CDH12: variants seen among roughly 807,000 people sequenced by gnomAD.
CDH12 encodes the protein cadherin-12.
A neutral mutation model predicts 74.1 loss-of-function variants in CDH12; 41 were observed. The observed-to-expected ratio is 0.55, with a 90% CI of 0.43 to 0.72. The LOEUF (loss-of-function observed/expected upper bound fraction) is 0.72. CDH12 is among the 30% of genes least tolerant of loss of function. The probability of loss-of-function intolerance (pLI) is 0.00; values close to 1 mark genes in which losing one functional copy is unlikely to be tolerated. For synonymous variants in CDH12, 399 were observed against 355.0 expected (o/e 1.12, Z -1.39); for missense variants, 945 against 977.2 (o/e 0.97, Z 0.44).
chr5:22,733,500 AC>A (rs1228586516), intron 1 of CDH12, among the ~76,000 whole-genome samples: 1 of 150,492 alleles, frequency 6.6e-6, no homozygotes, highest in African/African-American at 2.4e-5. Context: ...CATTTCTCCC[AC>A]CAAGTTTTCT....
chr5:22,129,422 T>C (rs1429737013), intron 4 of CDH12, among the ~76,000 whole-genome samples: 1 of 152,144 alleles, frequency 6.6e-6, no homozygotes, highest in Non-Finnish European at 1.5e-5. Flanking sequence ...ATGCTTAATA[T>C]TGTCATAATT....
intron 4 of CDH12, among the ~76,000 whole-genome samples, chr5:22,140,065 G>A (rs1315075340): frequency 6.6e-6 from 1 of 152,056 alleles, no homozygotes; most frequent in Non-Finnish European, 1.5e-5. Flanking sequence ...TCACCCCTTT[G>A]CATAGCTAAT....
chr5:22,663,606 C>T (rs2126901418), intron 1 of CDH12, among the ~76,000 whole-genome samples: 1 of 152,188 alleles, frequency 6.6e-6, no homozygotes. Flanking sequence ...GACTTCAGTG[C>T]CTCATGTGAG....
chr5:22,286,388 A>T (rs1460931667), intron 3 of CDH12, among the ~76,000 whole-genome samples: 2 of 152,212 alleles, frequency 1.3e-5, no homozygotes, highest in Non-Finnish European at 2.9e-5. Flanking sequence ...CCTAAAGTAG[A>T]TGGGCCATCC....
intron 1 of CDH12, among the ~76,000 whole-genome samples, chr5:22,524,395 C>T (rs896869662): frequency 4.6e-5 from 7 of 152,156 alleles, no homozygotes; most frequent in African/African-American, 1.4e-4. Flanking sequence ...GATATAATCC[C>T]TTTCCCTTTG....
At chr5:22,319,120 A>T (rs1738754015) in intron 3 of CDH12, among the ~76,000 whole-genome samples, 1 of 152,188 alleles carries the variant, frequency 6.6e-6, no homozygotes, top group African/African-American at 2.4e-5. Context: ...AGCTACTTAG[A>T]TTTTTAGATT....
At chr5:21,819,461 T>C (rs1232015561) in intron 8 of CDH12, among the ~76,000 whole-genome samples, 3 of 152,018 alleles carry the variant, frequency 2.0e-5, no homozygotes, top group African/African-American at 7.2e-5. Context: ...TCAGAAACTG[T>C]GTTTGTATCT....
chr5:21,791,938 A>G (rs1746523396), intron 10 of CDH12, among the ~76,000 whole-genome samples: 1 of 151,954 alleles, frequency 6.6e-6, no homozygotes, highest in Admixed American at 6.6e-5. Context: ...CTACATGTGT[A>G]AAAGGAACTT....
intron 1 of CDH12, among the ~76,000 whole-genome samples, chr5:22,541,961 C>T (rs1203737023): frequency 6.6e-6 from 1 of 152,164 alleles, no homozygotes; most frequent in African/African-American, 2.4e-5. Context: ...ATGGACATGG[C>T]TTTCATTTGC....
intron 4 of CDH12, among the ~76,000 whole-genome samples, chr5:22,188,699 C>G (rs1208246593): frequency 1.3e-5 from 2 of 152,142 alleles, no homozygotes; most frequent in Non-Finnish European, 2.9e-5. Context: ...ATTATACTCT[C>G]GCTTTGGAGC....
At position 22,698,729 on chromosome 5, in the gene CDH12, ATATATAGTGTGTGTGT is replaced by A. The variant is rs1742547202; in HGVS notation, c.-523+154313_-523+154328del. Among the ~76,000 whole-genome samples the A allele has an allele frequency of 1.7e-3, 13 of 7,714 alleles. 1 individual carries two copies. The highest frequency in any genetic ancestry group is 5.6e-3 in the African/African-American group (13 of 2,316). 5.1% of individuals were successfully genotyped at this position (7,714 alleles called of 152,430 possible). The stretch of plus-strand genomic sequence containing the variant: ...TATATATATATATATATATATATAT[ATATATAGTGTGTGTGT>A]GTGTGTGTGTGTGTGTGTGTGTGTG... On this transcript the variant is annotated intron_variant, in intron 1 of 14. Coordinates refer to ENST00000382254, the MANE Select transcript of CDH12 (RefSeq NM_004061.5).
At chr5:22,155,333 A>C (rs1747957758) in intron 4 of CDH12, among the ~76,000 whole-genome samples, 1 of 152,084 alleles carries the variant, frequency 6.6e-6, no homozygotes, top group Non-Finnish European at 1.5e-5. Flanking sequence ...AACTTAGACT[A>C]TTGATTATTC....
At chr5:22,748,420 G>A (rs1561002297) in intron 1 of CDH12, among the ~76,000 whole-genome samples, 2 of 151,912 alleles carry the variant, frequency 1.3e-5, no homozygotes, top group Non-Finnish European at 2.9e-5. Context: ...AAATATTTGT[G>A]AGACATGAGT....
intron 1 of CDH12, among the ~76,000 whole-genome samples, chr5:22,822,143 A>G (rs1749736810): frequency 6.6e-6 from 1 of 151,918 alleles, no homozygotes; most frequent in Non-Finnish European, 1.5e-5. Context: ...AGGATTCCCT[A>G]TTTAATAAAT....
At chr5:22,734,954 AT>A (rs1461669204) in intron 1 of CDH12, among the ~76,000 whole-genome samples, 1 of 151,936 alleles carries the variant, frequency 6.6e-6, no homozygotes, top group Non-Finnish European at 1.5e-5. Context: ...AAACAGTCTC[AT>A]TTATAATTAT....
intron 10 of CDH12, among the ~76,000 whole-genome samples, chr5:21,791,486 G>C (rs551905080): frequency 2.6e-5 from 4 of 152,032 alleles, no homozygotes; most frequent in East Asian, 3.9e-4. Flanking sequence ...AATCACAACA[G>C]TATAACATGA....
chr5:22,047,976 G>A (rs6881642), intron 5 of CDH12, among the ~76,000 whole-genome samples: 1,667 of 152,208 alleles, frequency 0.011, 31 homozygotes, highest in African/African-American at 0.036. Context: ...CTTCTTTTGA[G>A]AGACTTCATA....
chr5:22,528,061 C>T (rs996076011), intron 1 of CDH12, among the ~76,000 whole-genome samples: 1 of 152,058 alleles, frequency 6.6e-6, no homozygotes, highest in Admixed American at 6.6e-5. Flanking sequence ...AGCATGTCTC[C>T]TCATGATCCA....
intron 5 of CDH12, among the ~76,000 whole-genome samples, chr5:21,982,496 T>C (rs1457488818): frequency 1.3e-5 from 2 of 151,728 alleles, no homozygotes; most frequent in African/African-American, 4.8e-5. Context: ...TATATCTATA[T>C]AGATATCTAT....
Sources: gnomAD v4.1 joint callset for allele counts (sites outside exome capture counted in the v4.1 genomes callset) on GRCh38, gnomAD v4.1.1 for gene constraint, MANE v1.5 for transcripts, NCBI Gene and HGNC (gene_info 2026-07-23, HGNC 2026-07-21) for gene names.